Variants in GRID2 observed in about 807,000 individuals in gnomAD.
GRID2 encodes glutamate receptor ionotropic, delta-2.
GRID2 carries 33 observed loss-of-function variants against 114.8 expected under a neutral mutation model. The observed-to-expected ratio is 0.29, with a 90% CI of 0.22 to 0.38. The LOEUF is 0.38. Ranked by LOEUF, GRID2 falls within the 10% of genes least tolerant of loss-of-function variation. The pLI, the probability that GRID2 is intolerant of heterozygous loss-of-function variation, is 1.00. For synonymous variants in GRID2, 505 were observed against 449.9 expected, an observed-to-expected ratio of 1.12 and a Z score of -1.55; for missense variants, 1,184 against 1,257.7, an observed-to-expected ratio of 0.94 and a Z score of 0.89.
At chr4:93,687,785 G>T (rs555899363) in intron 14 of GRID2, among the ~76,000 whole-genome samples, 1 of 151,898 alleles carries the variant, frequency 6.6e-6, no homozygotes, top group African/African-American at 2.4e-5. Flanking sequence ...AAGTATTTCT[G>T]TTATAAAAGA....
At position 92,975,706 on chromosome 4, in the gene GRID2, C is replaced by T. The variant is rs539486461; in HGVS notation, c.245-109289C>T. Among the ~76,000 whole-genome samples, 9 of 152,166 alleles carry T rather than the reference C, an allele frequency of 5.9e-5. No homozygotes were observed. The East Asian group carries it at 1.5e-3, about 26-fold the overall frequency. Reference sequence around the variant, plus strand: ...AACTTGCTTGTCATAAGTTTTACAACTTATCATAGCACAGCAGCATATCAA... The same window carrying T: ...AACTTGCTTGTCATAAGTTTTACAATTTATCATAGCACAGCAGCATATCAA... On this transcript the variant is annotated intron_variant, in intron 2 of 15. Coordinates refer to ENST00000282020, the MANE Select transcript of GRID2 (RefSeq NM_001510.4).
downstream of GRID2, among the ~76,000 whole-genome samples, chr4:93,775,183 T>C (rs1734343428): frequency 2.0e-5 from 3 of 151,960 alleles, no homozygotes; most frequent in South Asian, 6.2e-4. Flanking sequence ...GTTCTAAAGT[T>C]CCATCCAAAA....
At chr4:93,745,227 GA>G (rs1203780397) in intron 14 of GRID2, among the ~76,000 whole-genome samples, 3 of 151,896 alleles carry the variant, frequency 2.0e-5, no homozygotes, top group Admixed American at 2.0e-4. Flanking sequence ...GTTTTCTGGG[GA>G]AAAAATAAAT....
At chr4:93,353,031 G>A (rs934817856) in intron 8 of GRID2, among the ~76,000 whole-genome samples, 1 of 152,040 alleles carries the variant, frequency 6.6e-6, no homozygotes, top group Non-Finnish European at 1.5e-5. Flanking sequence ...CATTGTGTCT[G>A]GGTGAGATTC....
At chr4:92,727,026 C>A (rs1736100168) in intron 2 of GRID2, among the ~76,000 whole-genome samples, 2 of 151,914 alleles carry the variant, frequency 1.3e-5, no homozygotes, top group Admixed American at 6.6e-5. Context: ...AAAACATAGG[C>A]TTCAAATCTC....
chr4:93,728,107 T>C (rs1730114636), intron 14 of GRID2, among the ~76,000 whole-genome samples: 1 of 152,154 alleles, frequency 6.6e-6, no homozygotes, highest in South Asian at 2.1e-4. Flanking sequence ...TTTCCTGCTT[T>C]CTCTTGTGGG....
chr4:93,706,982 T>C (rs1413231858), intron 14 of GRID2, among the ~76,000 whole-genome samples: 2 of 152,152 alleles, frequency 1.3e-5, no homozygotes, highest in Non-Finnish European at 2.9e-5. Flanking sequence ...TTCTCCTTCG[T>C]TCTGTTAATA....
chr4:92,880,615 G>C lies in GRID2; in HGVS notation c.245-204380G>C, dbSNP rs1232246684. On this transcript the variant is annotated intron_variant, in intron 2 of 15. Coordinates refer to ENST00000282020, the MANE Select transcript of GRID2 (RefSeq NM_001510.4). ...CAACATATTTCTAATTCATATTTAA[G>C]GATACCAATTAGTATCTATATATTC... Among the ~76,000 whole-genome samples, 3 of 151,910 alleles carry C rather than the reference G, an allele frequency of 2.0e-5. No individual in the cohort carries two copies. The East Asian group carries it at 5.8e-4, about 29-fold the overall frequency.
In GRID2 at chr4:93,260,399, A is replaced by G. The variant is rs535874783; in HGVS notation, c.1245+21909A>G. On this transcript the variant is annotated intron_variant, in intron 8 of 15. Transcript: ENST00000282020. ...GCCAAGTAAACCCTGTAGTAAATAT[A>G]AAAAAAAATATTAAAATAACAAGAT... Among the ~76,000 whole-genome samples, 75 of 69,414 alleles carry G rather than the reference A, an allele frequency of 1.1e-3. 1 individual carries two copies. In the South Asian group the frequency reaches 0.02, roughly 18 times the overall value. The allele number at this position is 69,414 out of a possible 152,430, so 45.5% of individuals were successfully genotyped here.
intron 4 of GRID2, among the ~76,000 whole-genome samples, chr4:93,120,936 G>C (rs1733727767): frequency 6.6e-6 from 1 of 152,094 alleles, no homozygotes; most frequent in East Asian, 1.9e-4. Context: ...CTGGGCGACA[G>C]TGCGAGACTC....
intron 1 of GRID2, among the ~76,000 whole-genome samples, chr4:92,573,703 G>T (rs1199387536): frequency 6.6e-6 from 1 of 151,900 alleles, no homozygotes; most frequent in African/African-American, 2.4e-5. Flanking sequence ...CAATTATCTT[G>T]CATTTGCTGA....
chr4:92,673,629 A>T (rs749517869), intron 2 of GRID2, among the ~76,000 whole-genome samples: 17 of 152,162 alleles, frequency 1.1e-4, no homozygotes, highest in Non-Finnish European at 2.9e-5. Context: ...TTTTCCCTGC[A>T]TATGAAATTC....
chr4:93,357,090 T>TCC (rs1341696073), intron 8 of GRID2, among the ~76,000 whole-genome samples: 29 of 151,814 alleles, frequency 1.9e-4, no homozygotes, highest in Admixed American at 5.9e-4. Context: ...AAATGATATT[T>TCC]AAGTCTGAAG....
chr4:93,069,542 A>G (rs778487583), intron 2 of GRID2, among the ~76,000 whole-genome samples: 39 of 152,196 alleles, frequency 2.6e-4, no homozygotes, highest in Admixed American at 1.6e-3. Context: ...AAAATGTCTG[A>G]TAATGAATCC....
intron 13 of GRID2, among the ~76,000 whole-genome samples, chr4:93,578,753 C>G (rs1428182817): frequency 6.6e-6 from 1 of 151,838 alleles, no homozygotes; most frequent in Non-Finnish European, 1.5e-5. Flanking sequence ...GCCACCACGC[C>G]CAGCTAATTT....
chr4:92,584,062 G>T (rs911269188), intron 1 of GRID2, among the ~76,000 whole-genome samples: 3 of 151,452 alleles, frequency 2.0e-5, no homozygotes, highest in Admixed American at 6.6e-5. Context: ...ATACTAAATT[G>T]TATCAAAAAC....
intron 11 of GRID2, among the ~76,000 whole-genome samples, chr4:93,464,648 T>C (rs914423375): frequency 4.6e-5 from 7 of 152,202 alleles, no homozygotes; most frequent in South Asian, 4.1e-4. Context: ...TCATTATATA[T>C]ATCAATGTCA....
intron 2 of GRID2, among the ~76,000 whole-genome samples, chr4:92,987,008 T>C (rs1754546191): frequency 6.6e-6 from 1 of 152,146 alleles, no homozygotes; most frequent in Non-Finnish European, 1.5e-5. Flanking sequence ...TGTATACCCT[T>C]GAACAAAGTT....
intron 3 of GRID2, among the ~76,000 whole-genome samples, chr4:93,106,425 C>T (rs775978429): frequency 1.3e-5 from 2 of 152,136 alleles, no homozygotes; most frequent in Non-Finnish European, 2.9e-5. Context: ...CGGCTCACTG[C>T]AACCTCCGCC....
Sources: gnomAD v4.1 joint callset for allele counts (sites outside exome capture counted in the v4.1 genomes callset) on GRCh38, gnomAD v4.1.1 for gene constraint, MANE v1.5 for transcripts, NCBI Gene and HGNC (gene_info 2026-07-23, HGNC 2026-07-21) for gene names.